Variants in NPHP1 observed in about 807,000 individuals in gnomAD.
NPHP1 encodes the protein nephrocystin 1.
In NPHP1, 70 loss-of-function variants were observed where a neutral mutation model predicts 90.4. The observed-to-expected ratio is 0.77, with a 90% CI of 0.64 to 0.95. The LOEUF is 0.95. Ranked by LOEUF, NPHP1 falls within the 40% of genes least tolerant of loss-of-function variation. The pLI is 0.00. For synonymous variants in NPHP1, 256 were observed against 271.7 expected (o/e 0.94, Z 0.57); for missense variants, 764 against 795.9 (o/e 0.96, Z 0.48).
At chr2:110,198,598 A>C (rs1685325957) in intron 2 of NPHP1, among the ~76,000 whole-genome samples, 1 of 152,100 alleles carries the variant, frequency 6.6e-6, no homozygotes, top group Non-Finnish European at 1.5e-5. Context: ...TAAAAACAAA[A>C]AAACAAACAA....
chr2:110,191,725 AC>A (rs1292699340), intron 2 of NPHP1, among the ~76,000 whole-genome samples: 3 of 152,044 alleles, frequency 2.0e-5, no homozygotes, highest in Non-Finnish European at 2.9e-5. Context: ...TGGGTCCCTG[AC>A]CCCCAAGTAG....
chr2:110,125,266 T>A (rs866543974), intron 19 of NPHP1: 1 of 1,536,088 alleles, frequency 6.5e-7, no homozygotes, highest in Non-Finnish European at 8.7e-7. Flanking sequence ...GTTTTCAATA[T>A]ATGGTACAGC....
chr2:110,172,056 A>G (rs1463722722), intron 4 of NPHP1, among the ~76,000 whole-genome samples: 1 of 152,184 alleles, frequency 6.6e-6, no homozygotes, highest in African/African-American at 2.4e-5. Flanking sequence ...GCTTTTAATT[A>G]CAGATTCAAC....
intron 9 of NPHP1, among the ~76,000 whole-genome samples, chr2:110,162,707 G>A (rs1682430063): frequency 6.6e-6 from 1 of 152,116 alleles, no homozygotes; most frequent in Non-Finnish European, 1.5e-5. Context: ...GATCCTTTAA[G>A]GTGGGGAGAA....
At chr2:110,145,825 A>G (rs1175668824) in intron 14 of NPHP1, among the ~76,000 whole-genome samples, 1 of 152,180 alleles carries the variant, frequency 6.6e-6, no homozygotes, top group Non-Finnish European at 1.5e-5. Flanking sequence ...AAAAACAAAA[A>G]AGCAAATAAC....
Position 110,154,871 on chromosome 2 carries a change from C to T in NPHP1, c.1084-4615G>A, listed in dbSNP as rs186909217. 1.2e-3 allele frequency among the ~76,000 whole-genome samples: 185 copies of T among 152,264 alleles called. 3 individuals carry two copies. Among genetic ancestry groups the T allele is most frequent in the African/African-American group, 4.4e-3 (182 of 41,556 alleles). On this transcript the variant is annotated intron_variant, in intron 11 of 19. Transcript: ENST00000445609. ...GACAATGCGATAGAAAAGAAAATCA[C>T]ATTTTCTGAGGAGAAATTCAAGCCG... is the stretch of plus-strand genomic sequence containing the variant.
Position 110,150,239 on chromosome 2 carries a change from A to G in NPHP1, c.1101T>C (p.His367=). 6.2e-7 allele frequency: 1 copy of G among 1,613,924 alleles called. No individual in the cohort carries two copies. Among genetic ancestry groups the G allele is most frequent in the South Asian group, 1.1e-5 (1 of 91,086 alleles). ...TAGGTTGCCATGTGGCTCTGACTGT[A>G]TGAATGTTGCTCAGAACCTGAAATG... ...FDGNKVLSNI[H]TVRATWQPKK... Residue 367 remains histidine (H), a synonymous_variant, in exon 12 of 20, where the codon CAT becomes CAC. Coordinates refer to ENST00000445609, the MANE Select transcript of NPHP1 (RefSeq NM_001128178.3).
rs150891335 is a variant in NPHP1 at position 110,143,357 on chromosome 2, A to G, written c.1529+185T>C. ...ATTTGGTTAGAAGAGCTAACTAGTA[A>G]ATAGAAGAGTAAGCTAATTTCAGCT... On this transcript the variant is annotated intron_variant, in intron 16 of 19. Transcript: ENST00000445609. Among the ~76,000 whole-genome samples, 59 of 152,288 alleles carry G rather than the reference A, an allele frequency of 3.9e-4. 1 individual carries two copies. In the East Asian group the frequency reaches 0.011, roughly 28 times the overall value.
chr2:110,170,148 A>G (rs1683020296), intron 4 of NPHP1, 150 bp from the exon 5 acceptor site: 1 of 1,111,364 alleles, frequency 9.0e-7, no homozygotes, highest in Non-Finnish European at 1.3e-6. Context: ...AGTTTCTACC[A>G]TCTAGCTAAG....
chr2:110,150,159 C>T (rs775959809), intron 12 of NPHP1, 23 bp downstream of exon 12: 13 of 1,565,988 alleles, frequency 8.3e-6, no homozygotes, highest in Admixed American at 6.7e-5. Flanking sequence ...TCACTCACTC[C>T]ACTCATTCAG....
chr2:110,189,492 C>T (rs1574185568), intron 2 of NPHP1, among the ~76,000 whole-genome samples: 2 of 152,000 alleles, frequency 1.3e-5, no homozygotes, highest in African/African-American at 2.4e-5. Flanking sequence ...CAGACCTTCG[C>T]GGTGAGTGTT....
At chr2:110,154,327 GC>G (rs919240524) in intron 11 of NPHP1, among the ~76,000 whole-genome samples, 38 of 152,254 alleles carry the variant, frequency 2.5e-4, no homozygotes, top group African/African-American at 8.9e-4. Flanking sequence ...TTTGTAAATT[GC>G]CCAGTCTCAG....
intron 3 of NPHP1, chr2:110,178,833 G>T: frequency 3.6e-6 from 1 of 279,752 alleles, no homozygotes; most frequent in Non-Finnish European, 6.7e-6. Flanking sequence ...TCTGACAGAA[G>T]ATCGGCTTTA....
At chr2:110,142,360 T>A (rs958684468) in intron 16 of NPHP1, among the ~76,000 whole-genome samples, 4 of 151,830 alleles carry the variant, frequency 2.6e-5, no homozygotes, top group Admixed American at 6.6e-5. Context: ...TTTTTTTTTT[T>A]AATCAGGGTC....
chr2:110,203,405 C>CTAAAA (rs1559113058), intron 1 of NPHP1, among the ~76,000 whole-genome samples: 3 of 152,090 alleles, frequency 2.0e-5, no homozygotes, highest in Non-Finnish European at 4.4e-5. Context: ...CCCCCTGAAT[C>CTAAAA]TAAAATAAAA....
intron 17 of NPHP1, among the ~76,000 whole-genome samples, chr2:110,130,217 A>T (rs2104432626): frequency 6.6e-6 from 1 of 152,350 alleles, no homozygotes; most frequent in East Asian, 1.9e-4. Context: ...TTTAGATGGG[A>T]CACACTGAAA....
chr2:110,185,572 C>T (rs1474324099), intron 2 of NPHP1, among the ~76,000 whole-genome samples: 2 of 152,172 alleles, frequency 1.3e-5, no homozygotes, highest in Non-Finnish European at 2.9e-5. Flanking sequence ...GCCCCACCCT[C>T]ACTCCCACCC....
chr2:110,202,619 T>C, intron 1 of NPHP1: 1 of 250,358 alleles, frequency 4.0e-6, no homozygotes, highest in Non-Finnish European at 8.5e-6. Flanking sequence ...ATTTTTATAG[T>C]TTCCTTCTAA....
At chr2:110,191,187 C>T (rs181813417) in intron 2 of NPHP1, among the ~76,000 whole-genome samples, 86 of 152,232 alleles carry the variant, frequency 5.6e-4, no homozygotes, top group African/African-American at 2.0e-3. Flanking sequence ...GGGTGCAGCA[C>T]ACCGAGCATG....
Sources: gnomAD v4.1 joint callset for allele counts (sites outside exome capture counted in the v4.1 genomes callset) on GRCh38, gnomAD v4.1.1 for gene constraint, MANE v1.5 for transcripts, NCBI Gene and HGNC (gene_info 2026-07-23, HGNC 2026-07-21) for gene names.